The following ZNF536 variants were observed in gnomAD, a reference collection of about 807,000 sequenced individuals.
The protein encoded by ZNF536 is zinc finger protein 536.
In ZNF536, 13 loss-of-function variants were observed where a neutral mutation model predicts 84.5. The observed-to-expected ratio is 0.15, with a 90% CI of 0.10 to 0.24. ZNF536 has a LOEUF of 0.24. ZNF536 is among the 10% of genes least tolerant of loss of function. The pLI is 1.00. For synonymous variants in ZNF536, 811 were observed against 742.5 expected, an observed-to-expected ratio of 1.09 and a Z score of -1.50; for missense variants, 1,536 against 1,747.5, an observed-to-expected ratio of 0.88 and a Z score of 2.16.
intron 1 of ZNF536, among the ~76,000 whole-genome samples, chr19:30,374,857 T>C (rs1355251582): frequency 6.6e-6 from 1 of 150,834 alleles, no homozygotes; most frequent in Non-Finnish European, 1.5e-5. Flanking sequence ...GAGCGGAGAC[T>C]GGCCCCCCGC....
chr19:30,548,787 G>A lies in ZNF536; in HGVS notation c.3168G>A (p.Ser1056=), dbSNP rs145103196. ...CGAGTAAGATGGCCCTGCTGCCCTC[G>A]TTACAATCAAACAAAGACCTGGGCC... ...REASKMALLP[S]LQSNKDLGLS... The change falls in exon 4 of 5, where the codon TCG becomes TCA. Residue 1056 remains serine (S), a synonymous_variant. Coordinates refer to ENST00000355537, the MANE Select transcript of ZNF536 (RefSeq NM_014717.3). 6.6e-5 allele frequency: 106 copies of A among 1,613,662 alleles called. 1 individual carries two copies. The highest frequency in any genetic ancestry group is 6.7e-5 in the Admixed American group (4 of 59,996).
At chr19:30,351,637 C>T (rs2047934265) in intron 2 of ZNF536, among the ~76,000 whole-genome samples, 1 of 152,208 alleles carries the variant, frequency 6.6e-6, no homozygotes, top group Admixed American at 6.5e-5. Flanking sequence ...GAGCACGGCT[C>T]TGATTTATAC....
chr19:30,491,518 G>A (rs1229692727), intron 2 of ZNF536, among the ~76,000 whole-genome samples: 1 of 152,158 alleles, frequency 6.6e-6, no homozygotes, highest in East Asian at 1.9e-4. Flanking sequence ...CGATCTCCCA[G>A]AACAAAGGGA....
intron 1 of ZNF536, among the ~76,000 whole-genome samples, chr19:30,282,578 T>A (rs1400347316): frequency 6.6e-6 from 1 of 152,174 alleles, no homozygotes; most frequent in African/African-American, 2.4e-5. Flanking sequence ...TGAGCTTAGA[T>A]ATAAAATCTG....
intron 3 of ZNF536, among the ~76,000 whole-genome samples, chr19:30,364,082 G>A (rs1260990237): frequency 6.6e-6 from 1 of 152,214 alleles, no homozygotes; most frequent in Admixed American, 6.5e-5. Context: ...CATAAGAGCA[G>A]GCAAGCGTGG....
chr19:30,692,808 C>T (rs561603504), intron 1 of ZNF536, among the ~76,000 whole-genome samples: 9 of 152,326 alleles, frequency 5.9e-5, no homozygotes, highest in African/African-American at 2.2e-4. Flanking sequence ...CGCACGCCCA[C>T]AGCGCTTACT....
At position 30,482,908 on chromosome 19, in the gene ZNF536, C is replaced by T. The variant is rs538665471; in HGVS notation, c.2170+37176C>T. ...GCTTCTAGTATCAGCATCTCCATAG[C>T]GCCCTCCTCTGGGTCCACCCCTTGC... On this transcript the variant is annotated intron_variant, in intron 2 of 4. Coordinates refer to ENST00000355537, the MANE Select transcript of ZNF536 (RefSeq NM_014717.3). Among the ~76,000 whole-genome samples the T allele has an allele frequency of 5.3e-5, 8 of 152,264 alleles. No individual in the cohort carries two copies. The East Asian group carries it at 9.7e-4, about 18-fold the overall frequency.
At chr19:30,305,942 T>C (rs889126295) in intron 2 of ZNF536, among the ~76,000 whole-genome samples, 13 of 152,232 alleles carry the variant, frequency 8.5e-5, no homozygotes, top group African/African-American at 3.1e-4. Flanking sequence ...ACGTATTTAG[T>C]GATTTGATCT....
intron 2 of ZNF536, among the ~76,000 whole-genome samples, chr19:30,492,909 C>T (rs1013449103): frequency 2.6e-5 from 4 of 152,114 alleles, no homozygotes; most frequent in African/African-American, 7.2e-5. Flanking sequence ...CCACACCTAT[C>T]GCCAACGCCA....
At chr19:30,518,479 A>G (rs987011841) in intron 2 of ZNF536, among the ~76,000 whole-genome samples, 10 of 152,184 alleles carry the variant, frequency 6.6e-5, no homozygotes, top group African/African-American at 2.2e-4. Context: ...TTCCTGTGCA[A>G]TTTTCCCCGA....
intron 2 of ZNF536, among the ~76,000 whole-genome samples, chr19:30,497,936 A>G (rs1446775899): frequency 6.6e-6 from 1 of 152,196 alleles, no homozygotes; most frequent in African/African-American, 2.4e-5. Flanking sequence ...TCAATTAGCC[A>G]TGTACCTCCA....
At chr19:30,439,908 A>G (rs2051939215) in intron 1 of ZNF536, among the ~76,000 whole-genome samples, 1 of 150,920 alleles carries the variant, frequency 6.6e-6, no homozygotes, top group Admixed American at 6.6e-5. Flanking sequence ...AGGGGTGTGG[A>G]CAGCTTTTCC....
chr19:30,391,902 C>A (rs142419589), intron 1 of ZNF536, among the ~76,000 whole-genome samples: 25 of 152,270 alleles, frequency 1.6e-4, no homozygotes, highest in African/African-American at 5.8e-4. Context: ...TGCCCCAGGA[C>A]AAATCAGTAC....
Position 30,569,823 on chromosome 19 carries a change from C to T in ZNF536, c.169+20309C>T, listed in dbSNP as rs116591463. On this transcript the variant is annotated intron_variant, in intron 1 of 1. Transcript: ENST00000592773. ...CTGGCCTCAAGTGATCTACCCACCTCGGCCTCCTAAAGAGCTGGGATTACA... is the reference window on the plus strand; with the variant it reads ...CTGGCCTCAAGTGATCTACCCACCTTGGCCTCCTAAAGAGCTGGGATTACA... Among the ~76,000 whole-genome samples, 1,428 of 152,038 alleles carry T rather than the reference C, an allele frequency of 9.4e-3. 23 individuals carry two copies. Among genetic ancestry groups the T allele is most frequent in the African/African-American group, 0.033 (1,372 of 41,474 alleles).
At chr19:30,594,105 T>C (rs2047365735) in intron 1 of ZNF536, among the ~76,000 whole-genome samples, 1 of 152,176 alleles carries the variant, frequency 6.6e-6, no homozygotes, top group Admixed American at 6.5e-5. Context: ...CAATGAGTGA[T>C]CCAGGGACCT....
intron 2 of ZNF536, among the ~76,000 whole-genome samples, chr19:30,327,812 GA>G (rs1568334756): frequency 6.6e-6 from 1 of 152,188 alleles, no homozygotes; most frequent in East Asian, 1.9e-4. Context: ...CTGAGCTGTG[GA>G]ATTGTTATCC....
At chr19:30,469,713 C>T (rs1275529548) in intron 2 of ZNF536, among the ~76,000 whole-genome samples, 2 of 152,082 alleles carry the variant, frequency 1.3e-5, no homozygotes, top group Non-Finnish European at 2.9e-5. Context: ...TGGGGACGCT[C>T]AGCCTGGCTT....
At chr19:30,493,231 C>CT (rs2054582817) in intron 2 of ZNF536, among the ~76,000 whole-genome samples, 1 of 149,796 alleles carries the variant, frequency 6.7e-6, no homozygotes, top group Non-Finnish European at 1.5e-5. Context: ...TGTAATGAAA[C>CT]CTTCCTCCCC....
intron 1 of ZNF536, among the ~76,000 whole-genome samples, chr19:30,438,367 TA>T (rs201711591): frequency 2.6e-5 from 4 of 151,834 alleles, no homozygotes; most frequent in East Asian, 1.9e-4. Flanking sequence ...TGTGAAATTA[TA>T]AAAAAAAATC....
Sources: allele counts gnomAD v4.1 joint callset (sites outside exome capture counted in the v4.1 genomes callset), GRCh38; gene constraint gnomAD v4.1.1; transcripts MANE v1.5; gene names NCBI Gene and HGNC (gene_info 2026-07-23, HGNC 2026-07-21).